SYN1: variants seen among roughly 807,000 people sequenced by gnomAD.
SYN1 encodes synapsin-1.
Under a neutral mutation model 44.6 loss-of-function variants are expected in SYN1, and 8 were observed. The ratio of observed to expected loss-of-function variants is 0.18; its 90% CI spans 0.11 to 0.32. SYN1 has a LOEUF of 0.32. SYN1 is among the 10% of genes least tolerant of loss of function. SYN1 has a pLI of 1.00. For synonymous variants in SYN1, 275 were observed against 280.1 expected (o/e 0.98, Z 0.18); for missense variants, 451 against 639.4 (o/e 0.71, Z 3.18).
chrX:47,589,782 T>C (rs1045935457), intron 5 of SYN1, among the ~76,000 whole-genome samples: 1 of 111,015 alleles, frequency 9.0e-6, no homozygotes, highest in African/African-American at 3.3e-5. Context: ...CCATATTAAA[T>C]GAGGTTGTAT....
chrX:47,575,988 C>T (rs1269744211), intron 9 of SYN1, 143 bp downstream of exon 9: 7 of 596,248 alleles, frequency 1.2e-5, no homozygotes, highest in African/African-American at 4.5e-5. Context: ...ATGGCCCCTT[C>T]GAAAGTTCGT....
intron 5 of SYN1, chrX:47,583,533 C>T: frequency 7.5e-6 from 9 of 1,195,254 alleles, no homozygotes; most frequent in Non-Finnish European, 9.0e-6. Flanking sequence ...CAATTCCGAC[C>T]TCGGTGAGTC....
At chrX:47,613,054 A>G (rs1221238494) in intron 1 of SYN1, among the ~76,000 whole-genome samples, 5 of 106,478 alleles carry the variant, frequency 4.7e-5, no homozygotes, top group African/African-American at 1.7e-4. Flanking sequence ...AATTGCTTCA[A>G]CCTGGGAGGT....
At chrX:47,583,322 G>A in intron 5 of SYN1, 1 of 896,626 alleles carries the variant, frequency 1.1e-6, no homozygotes, top group Non-Finnish European at 1.5e-6. Flanking sequence ...CCCATAGGCT[G>A]CCCCGGGGCA....
Position 47,611,980 on chromosome X carries a change from A to G in SYN1, c.378-4782T>C, listed in dbSNP as rs191073391. On this transcript the variant is annotated intron_variant, in intron 1 of 12. Transcript: ENST00000295987. ...TCCCCCACACACAAATAATGCTCTGACCCATATTCCAGGCGACATGTAAAG... is the reference window on the plus strand; with the variant it reads ...TCCCCCACACACAAATAATGCTCTGGCCCATATTCCAGGCGACATGTAAAG... Among the ~76,000 whole-genome samples, 269 of 111,631 alleles carry G rather than the reference A, an allele frequency of 2.4e-3. 2 individuals carry two copies. The highest frequency in any genetic ancestry group is 2.9e-3 in the Non-Finnish European group (152 of 53,055).
At chrX:47,578,949 G>A (rs2057786828) in intron 5 of SYN1, among the ~76,000 whole-genome samples, 1 of 111,942 alleles carries the variant, frequency 8.9e-6, no homozygotes, top group African/African-American at 3.3e-5. Context: ...TTGGGACGGG[G>A]GTTTGGGGCA....
intron 1 of SYN1, among the ~76,000 whole-genome samples, chrX:47,614,498 G>A (rs181672329): frequency 1.8e-5 from 2 of 111,641 alleles, no homozygotes; most frequent in East Asian, 5.6e-4. Context: ...CAGAGACTAT[G>A]GCTCATCTCA....
chrX:47,589,389 C>T (rs183419019), intron 5 of SYN1, among the ~76,000 whole-genome samples: 12 of 106,683 alleles, frequency 1.1e-4, no homozygotes, highest in Non-Finnish European at 1.9e-4. Context: ...GTCAGGAGAT[C>T]GAGACCATCC....
chrX:47,586,867 G>A, intron 5 of SYN1: 1 of 535,984 alleles, frequency 1.9e-6, no homozygotes. Context: ...GACCAGTGGG[G>A]ATGAGGGATG....
At chrX:47,584,899 C>T in intron 5 of SYN1, 2 of 1,117,292 alleles carry the variant, frequency 1.8e-6, no homozygotes, top group Non-Finnish European at 2.5e-6. Flanking sequence ...TTGGCTCATG[C>T]AGTCCATTTG....
chrX:47,584,109 G>C (rs995065295), intron 5 of SYN1, among the ~76,000 whole-genome samples: 1 of 111,448 alleles, frequency 9.0e-6, no homozygotes, highest in Non-Finnish European at 1.9e-5. Context: ...CTAAACCGAC[G>C]TAACAGGATT....
intron 5 of SYN1, among the ~76,000 whole-genome samples, chrX:47,590,920 T>A (rs1199810431): frequency 8.9e-6 from 1 of 111,978 alleles, no homozygotes; most frequent in Non-Finnish European, 1.9e-5. Flanking sequence ...TGAGACAGAG[T>A]CTCACTCTGT....
At chrX:47,575,391 C>A in intron 9 of SYN1, 117 bp from the exon 10 acceptor site, 3 of 906,306 alleles carry the variant, frequency 3.3e-6, no homozygotes, top group Non-Finnish European at 4.7e-6. Context: ...GTGTCTGAGG[C>A]ACTGATTGTG....
chrX:47,580,736 G>C (rs113374339), intron 5 of SYN1, among the ~76,000 whole-genome samples: 1,374 of 110,175 alleles, frequency 0.012, 21 homozygotes, highest in African/African-American at 0.044. Flanking sequence ...AGGAGTTCGA[G>C]ATCTGACCAA....
intron 1 of SYN1, among the ~76,000 whole-genome samples, chrX:47,616,369 G>C (rs2057931422): frequency 8.9e-6 from 1 of 111,775 alleles, no homozygotes; most frequent in South Asian, 3.7e-4. Context: ...ATGTTTTCTG[G>C]ACAAAGAAAA....
At chrX:47,604,201 G>T (rs959222349) in intron 5 of SYN1, among the ~76,000 whole-genome samples, 1 of 110,615 alleles carries the variant, frequency 9.0e-6, no homozygotes, top group African/African-American at 3.3e-5. Context: ...GAGCCACCGC[G>T]CCCGGCCAGT....
chrX:47,607,920 C>T (rs1428124934), intron 1 of SYN1, among the ~76,000 whole-genome samples: 2 of 110,879 alleles, frequency 1.8e-5, no homozygotes, highest in Non-Finnish European at 3.8e-5. Context: ...TTCCCAGCTA[C>T]TTGGGAGGCT....
At chrX:47,616,246 T>G (rs2057931008) in intron 1 of SYN1, among the ~76,000 whole-genome samples, 2 of 111,164 alleles carry the variant, frequency 1.8e-5, no homozygotes. Context: ...AATAAATATT[T>G]GCTAGATTGC....
At chrX:47,584,261 T>A (rs980009581) in intron 5 of SYN1, among the ~76,000 whole-genome samples, 6 of 110,710 alleles carry the variant, frequency 5.4e-5, no homozygotes, top group Non-Finnish European at 1.1e-4. Context: ...TGATCAGGTA[T>A]TGAGGATGAT....
Sources: gnomAD v4.1 joint callset for allele counts (sites outside exome capture counted in the v4.1 genomes callset) on GRCh38, gnomAD v4.1.1 for gene constraint, MANE v1.5 for transcripts, NCBI Gene and HGNC (gene_info 2026-07-23, HGNC 2026-07-21) for gene names.